TMCC2: variants seen among roughly 807,000 people sequenced by gnomAD.
TMCC2 encodes transmembrane and coiled-coil domain family 2, also known as transmembrane and coiled-coil domains protein 2.
A neutral mutation model predicts 49.4 loss-of-function variants in TMCC2; 16 were observed. The observed-to-expected ratio is 0.32, with a 90% CI of 0.22 to 0.49. The LOEUF (loss-of-function observed/expected upper bound fraction) is 0.49. Ranked by LOEUF, TMCC2 falls within the 20% of genes least tolerant of loss-of-function variation. The pLI is 0.99. For missense variants in TMCC2, 762 were observed against 989.8 expected (o/e 0.77, Z 3.09); for synonymous variants, 397 against 434.1 (o/e 0.91, Z 1.06).
At chr1:205,244,291 T>C (rs957199700) in intron 2 of TMCC2, among the ~76,000 whole-genome samples, 4 of 151,922 alleles carry the variant, frequency 2.6e-5, no homozygotes, top group African/African-American at 4.8e-5. Context: ...AAGATAGCAG[T>C]GAGGAAGGGG....
intron 1 of TMCC2, chr1:205,230,142 A>C (rs144153618): frequency 2.0e-6 from 2 of 985,564 alleles, no homozygotes; most frequent in African/African-American, 3.5e-5. Context: ...TGGCCTGAGC[A>C]GCTCAGAGTC....
chr1:205,234,706 C>T (rs570312642), intron 1 of TMCC2, among the ~76,000 whole-genome samples: 2 of 151,856 alleles, frequency 1.3e-5, no homozygotes, highest in African/African-American at 4.8e-5. Context: ...CTGTCTCAGG[C>T]TGGAGTGCAG....
At chr1:205,254,269 T>C (rs1179939223) in intron 2 of TMCC2, among the ~76,000 whole-genome samples, 1 of 152,204 alleles carries the variant, frequency 6.6e-6, no homozygotes, top group Non-Finnish European at 1.5e-5. Flanking sequence ...CACATTCACC[T>C]TAACCCCCTG....
intron 2 of TMCC2, among the ~76,000 whole-genome samples, chr1:205,266,983 A>G (rs1309390898): frequency 6.6e-6 from 1 of 152,280 alleles, no homozygotes; most frequent in Non-Finnish European, 1.5e-5. Flanking sequence ...AAGTCAGGCT[A>G]CTGGGACAGT....
At chr1:205,230,526 G>C (rs1436832262) in intron 1 of TMCC2, among the ~76,000 whole-genome samples, 1 of 152,134 alleles carries the variant, frequency 6.6e-6, no homozygotes, top group Non-Finnish European at 1.5e-5. Flanking sequence ...ATGCTGTTGT[G>C]GGGAGGAGGC....
chr1:205,254,245 A>G (rs1660775088), intron 2 of TMCC2, among the ~76,000 whole-genome samples: 1 of 152,236 alleles, frequency 6.6e-6, no homozygotes, highest in African/African-American at 2.4e-5. Flanking sequence ...GCTCTGGCAC[A>G]TCTTCCTGCC....
chr1:205,242,501 A>G (rs958974553), intron 2 of TMCC2, among the ~76,000 whole-genome samples: 9 of 152,252 alleles, frequency 5.9e-5, no homozygotes, highest in African/African-American at 2.2e-4. Flanking sequence ...AGAGCCTGGC[A>G]TAGTATCATC....
intron 1 of TMCC2, chr1:205,229,559 T>TGGC (rs1659706107): frequency 5.3e-6 from 1 of 189,972 alleles, no homozygotes; most frequent in African/African-American, 2.3e-4. Context: ...GGGGGGGGGG[T>TGGC]GGTGGCGGGG....
At chr1:205,259,398 G>C (rs1661012304) in intron 2 of TMCC2, among the ~76,000 whole-genome samples, 1 of 152,172 alleles carries the variant, frequency 6.6e-6, no homozygotes, top group Non-Finnish European at 1.5e-5. Context: ...CACAGGTGTG[G>C]AGCACATGTT....
At chr1:205,246,422 C>T (rs1411095231) in intron 2 of TMCC2, 3 of 1,235,132 alleles carry the variant, frequency 2.4e-6, no homozygotes, top group East Asian at 3.3e-5. Context: ...GTCTGGAGTT[C>T]TGGGGAGAGA....
chr1:205,261,964 A>G (rs1661135593), intron 2 of TMCC2, among the ~76,000 whole-genome samples: 1 of 152,086 alleles, frequency 6.6e-6, no homozygotes, highest in South Asian at 2.1e-4. Context: ...AGCACTCTGA[A>G]CAGCTTTCTC....
chr1:205,229,556 G>GGGC, intron 1 of TMCC2: 2 of 683,672 alleles, frequency 2.9e-6, no homozygotes, highest in Non-Finnish European at 3.5e-6. Context: ...GGGGGGGGGG[G>GGGC]GGTGGTGGCG....
At position 205,268,390 on chromosome 1, in the gene TMCC2, G is replaced by C. The variant is rs149869218; in HGVS notation, c.748-560G>C. 2.1e-3 allele frequency among the ~76,000 whole-genome samples: 321 copies of C among 152,314 alleles called. 1 individual carries two copies. Among genetic ancestry groups the C allele is most frequent in the African/African-American group, 7.0e-3 (292 of 41,572 alleles). On this transcript the variant is annotated intron_variant, in intron 2 of 4. Transcript: ENST00000358024. ...GCACTTTGGGAGGCCAAGGCAGGCA[G>C]ATCACTTGAGGTCAGGAGTTCGAGA...
rs1253790912 is a variant in TMCC2 at position 205,228,560 on chromosome 1, A to C, written c.-5A>C. The C allele has an allele frequency of 1.9e-6, 3 of 1,600,822 alleles. No homozygotes were observed. Among genetic ancestry groups the C allele is most frequent in the Non-Finnish European group, 1.7e-6 (2 of 1,170,260 alleles). ...ACAGATTCCCCTTGCCGACCCACAT[A>C]CACCATGAAGAGGTGCAGATCGGAC... On this transcript the variant is annotated 5_prime_UTR_variant, in exon 1 of 5. Coordinates refer to ENST00000358024, the MANE Select transcript of TMCC2 (RefSeq NM_014858.4).
rs1661629261 is a variant in TMCC2, at chr1:205,272,184, G to A, written c.*60G>A. 2 of 1,573,672 alleles carry A rather than the reference G, an allele frequency of 1.3e-6. No homozygotes were observed. The highest frequency in any genetic ancestry group is 8.6e-7 in the Non-Finnish European group (1 of 1,157,466). ...CCCAGCTGGCCACACTTCTCCAGGA[G>A]GGACCCTTGGACTTCTTTGTGTGTC... On this transcript the variant is annotated 3_prime_UTR_variant, in exon 5 of 5. Transcript: ENST00000358024.
In TMCC2 at chr1:205,264,944, A is replaced by G. The variant is rs550242906; in HGVS notation, c.748-4006A>G. On this transcript the variant is annotated intron_variant, in intron 2 of 4. Coordinates refer to ENST00000358024, the MANE Select transcript of TMCC2 (RefSeq NM_014858.4). This position sits in a 1 kb window ranked among gnomAD's most constrained non-coding sequence, Gnocchi z 4.2. ...ATTTGAGAAAAAGAGAAGAGCCCAG[A>G]GGCCATAGGGAAAATATGCCACCTT... Among the ~76,000 whole-genome samples the G allele has an allele frequency of 6.6e-6, 1 of 152,370 alleles. No individual in the cohort carries two copies. The highest frequency in any genetic ancestry group is 2.1e-4 in the South Asian group (1 of 4,834).
At chr1:205,233,289 T>C (rs1310502146) in intron 1 of TMCC2, among the ~76,000 whole-genome samples, 2 of 152,218 alleles carry the variant, frequency 1.3e-5, no homozygotes, top group South Asian at 2.1e-4. Flanking sequence ...AGTATTAATA[T>C]ATTTCCCTGA....
intron 2 of TMCC2, chr1:205,256,460 G>A: frequency 6.5e-7 from 1 of 1,527,748 alleles, no homozygotes; most frequent in Non-Finnish European, 8.9e-7. Flanking sequence ...TTTTGCCAGG[G>A]CAATGCTGGC....
chr1:205,250,186 G>A (rs1300364745), intron 2 of TMCC2, among the ~76,000 whole-genome samples: 2 of 152,154 alleles, frequency 1.3e-5, no homozygotes, highest in Non-Finnish European at 2.9e-5. Flanking sequence ...CAGGTAACTG[G>A]CCTCCAGAAT....
Sources: gnomAD v4.1 joint callset for allele counts (sites outside exome capture counted in the v4.1 genomes callset) on GRCh38, gnomAD v4.1.1 for gene constraint, Gnocchi (gnomAD v3.1) non-coding constraint, MANE v1.5 for transcripts, NCBI Gene and HGNC (gene_info 2026-07-23, HGNC 2026-07-21) for gene names.